Variants in STK32A observed in about 807,000 individuals in gnomAD.
STK32A encodes the protein serine/threonine kinase 32A, also known as serine/threonine-protein kinase 32A.
Under a neutral mutation model 53.2 loss-of-function variants are expected in STK32A, and 41 were observed. The ratio of observed to expected loss-of-function variants is 0.77; its 90% CI spans 0.60 to 1.00. The LOEUF is 1.00. STK32A is among the 50% of genes least tolerant of loss of function. STK32A has a pLI of 0.00. For missense variants in STK32A, 458 were observed against 485.8 expected (o/e 0.94, Z 0.54); for synonymous variants, 166 against 162.8 (o/e 1.02, Z -0.15).
At chr5:147,277,664 C>T (rs952154706) in intron 2 of STK32A, among the ~76,000 whole-genome samples, 3 of 152,166 alleles carry the variant, frequency 2.0e-5, no homozygotes, top group Admixed American at 1.3e-4. Context: ...TAAAGCCATA[C>T]ATAGGATGCA....
chr5:147,330,087 T>TAA (rs1754793041), intron 5 of STK32A, among the ~76,000 whole-genome samples: 1 of 152,198 alleles, frequency 6.6e-6, no homozygotes, highest in Non-Finnish European at 1.5e-5. Context: ...AGAACATACC[T>TAA]TTATCAGCTC....
Position 147,312,726 on chromosome 5 carries a change from G to C in STK32A, c.261-11172G>C, listed in dbSNP as rs12653239. On this transcript the variant is annotated intron_variant, in intron 4 of 12. Transcript: ENST00000397936. ...TAAAAACCTCTGAAAATTTGACAACGTACTCTAGAGAGAGAAAGCGCTGAA... is the reference window on the plus strand; with the variant it reads ...TAAAAACCTCTGAAAATTTGACAACCTACTCTAGAGAGAGAAAGCGCTGAA... Among the ~76,000 whole-genome samples the C allele has an allele frequency of 7.6e-4, 116 of 152,190 alleles. 1 individual carries two copies. Among genetic ancestry groups the C allele is most frequent in the African/African-American group, 2.7e-3 (114 of 41,522 alleles).
the STK32A span, chr5:147,393,608 G>A: frequency 1.8e-5 from 3 of 163,344 alleles, no homozygotes; most frequent in East Asian, 4.9e-4. Flanking sequence ...CCCTACCCCA[G>A]CCCCTCTGCA....
At chr5:147,368,901 G>A (rs1165223557) in intron 8 of STK32A, among the ~76,000 whole-genome samples, 6 of 151,982 alleles carry the variant, frequency 3.9e-5, no homozygotes, top group African/African-American at 1.2e-4. Context: ...TTGAGAAGCA[G>A]CAATGAATTA....
intron 6 of STK32A, among the ~76,000 whole-genome samples, chr5:147,347,849 G>A (rs768494066): frequency 1.3e-5 from 2 of 152,162 alleles, no homozygotes; most frequent in Non-Finnish European, 2.9e-5. Flanking sequence ...AGCCGGACCT[G>A]GGACTAAGGC....
At chr5:147,355,469 C>T (rs190043961) in intron 7 of STK32A, among the ~76,000 whole-genome samples, 1 of 151,716 alleles carries the variant, frequency 6.6e-6, no homozygotes, top group Non-Finnish European at 1.5e-5. Context: ...GTCAGGAAAT[C>T]GAGATCATCC....
chr5:147,306,217 T>A, intron 4 of STK32A, among the ~76,000 whole-genome samples: 1 of 152,014 alleles, frequency 6.6e-6, no homozygotes, highest in East Asian at 1.9e-4. Context: ...AGTTTGGGCA[T>A]ATTTTTGCTT....
intron 5 of STK32A, among the ~76,000 whole-genome samples, chr5:147,331,486 G>A (rs1014245183): frequency 3.3e-5 from 5 of 152,154 alleles, no homozygotes; most frequent in African/African-American, 1.2e-4. Context: ...TATCCTCAAG[G>A]TCAGATGAGC....
Position 147,383,963 on chromosome 5 carries a change from G to T in STK32A, c.1171G>T (p.Gly391Cys), listed in dbSNP as rs1757554565. The change falls in exon 13 of 13, where the codon GGT becomes TGT. Residue 391 changes from glycine to cysteine, a missense_variant. Gly to Cys is a radical substitution (Grantham distance 159). Transcript: ENST00000397936. The stretch of plus-strand genomic sequence containing the variant: ...AACCAAAGACCCACAAGGTGAGGAT[G>T]GTCAGAATAACAACTTGTAAAGGCC... The part of the protein sequence containing the change: ...EQTKDPQGED[G>C]QNNNL 6.2e-7 allele frequency: 1 copy of T among 1,606,344 alleles called. No homozygotes were observed.
intron 2 of STK32A, among the ~76,000 whole-genome samples, chr5:147,241,008 G>A (rs935906063): frequency 6.6e-5 from 10 of 152,166 alleles, no homozygotes; most frequent in African/African-American, 1.9e-4. Flanking sequence ...ATACAAGAAA[G>A]ACTGGGAAAT....
intron 8 of STK32A, among the ~76,000 whole-genome samples, chr5:147,367,088 G>A (rs1279380219): frequency 1.3e-5 from 2 of 151,254 alleles, no homozygotes; most frequent in East Asian, 1.9e-4. Context: ...TTTTCCTCAG[G>A]AGAGTCTTGC....
At chr5:147,291,510 G>T (rs1752596752) in intron 4 of STK32A, among the ~76,000 whole-genome samples, 1 of 150,748 alleles carries the variant, frequency 6.6e-6, no homozygotes. Flanking sequence ...AAAACAATGA[G>T]CTATACATAG....
In STK32A at chr5:147,343,044, G is replaced by GT. The variant is rs1308152644; in HGVS notation, c.472+2dup. The GT allele has an allele frequency of 6.2e-7, 1 of 1,613,128 alleles. No individual in the cohort carries two copies. The highest frequency in any genetic ancestry group is 2.2e-5 in the East Asian group (1 of 44,852). ...GACAATATTTTACTTGACGAACATG[G>GT]TAAGTGAGTGATTTGTTTGCAATCA... On this transcript the variant is annotated splice_donor_variant, in intron 6 of 12. Coordinates refer to ENST00000397936, the MANE Select transcript of STK32A (RefSeq NM_001112724.2). LOFTEE classifies it high-confidence loss of function.
chr5:147,247,790 C>T lies in STK32A; in HGVS notation c.52+8104C>T, dbSNP rs558284441. Among the ~76,000 whole-genome samples the T allele has an allele frequency of 2.0e-5, 3 of 152,142 alleles. No homozygotes were observed. In the South Asian group the frequency reaches 6.2e-4, roughly 32 times the overall value. On this transcript the variant is annotated intron_variant, in intron 2 of 12. Transcript: ENST00000397936. ...TTCAAAAATATTTTTTGCATAAGAT[C>T]AAATATTATTCTTTTGATTTTTTTC...
intron 5 of STK32A, among the ~76,000 whole-genome samples, chr5:147,341,908 C>T (rs1435916617): frequency 1.3e-5 from 2 of 152,192 alleles, no homozygotes; most frequent in African/African-American, 4.8e-5. Context: ...GCACAAAACC[C>T]ACCTTCTTCC....
chr5:147,334,797 C>T (rs1755036218), intron 5 of STK32A, among the ~76,000 whole-genome samples: 1 of 152,196 alleles, frequency 6.6e-6, no homozygotes, highest in African/African-American at 2.4e-5. Context: ...TTACACTGGA[C>T]ACTTCCTAAT....
chr5:147,278,259 T>C, intron 3 of STK32A, 80 bp downstream of exon 3: 1 of 1,191,452 alleles, frequency 8.4e-7, no homozygotes, highest in Non-Finnish European at 1.2e-6. Flanking sequence ...GTTCACATTA[T>C]TGAGTTGCTG....
In STK32A at chr5:147,383,444, T is replaced by C. The variant is rs778246148; in HGVS notation, c.1036T>C (p.Cys346Arg). The change falls in exon 12 of 13, where the codon TGT becomes CGT. Residue 346 changes from cysteine to arginine, a missense_variant. Cys to Arg is a radical substitution (Grantham distance 180). Transcript: ENST00000397936. ...DMRKCDSSQT[C>R]LLQEHLDSVQ... ...TTTTTCTACGTTCACCTGGAAGACATGTCTTCTTCAAGAGCACCTTGACTC... is the reference window on the plus strand; with the variant it reads ...TTTTTCTACGTTCACCTGGAAGACACGTCTTCTTCAAGAGCACCTTGACTC... 1.9e-6 allele frequency: 3 copies of C among 1,596,096 alleles called. No homozygotes were observed. Among genetic ancestry groups the C allele is most frequent in the Non-Finnish European group, 2.6e-6 (3 of 1,170,718 alleles).
At chr5:147,258,149 T>C (rs1754319527) in intron 2 of STK32A, among the ~76,000 whole-genome samples, 2 of 95,044 alleles carry the variant, frequency 2.1e-5, no homozygotes, top group African/African-American at 8.8e-5. Flanking sequence ...TTATAGACTC[T>C]TTTTAACCTT....
Sources: allele counts gnomAD v4.1 joint callset (sites outside exome capture counted in the v4.1 genomes callset), GRCh38; gene constraint gnomAD v4.1.1; transcripts MANE v1.5; gene names NCBI Gene and HGNC (gene_info 2026-07-23, HGNC 2026-07-21).